FAM20A: variants seen among roughly 807,000 people sequenced by gnomAD.
FAM20A encodes pseudokinase FAM20A.
A neutral mutation model predicts 52.0 loss-of-function variants in FAM20A; 42 were observed. The ratio of observed to expected loss-of-function variants is 0.81; its 90% CI spans 0.63 to 1.04. FAM20A has a LOEUF of 1.04. FAM20A is among the 50% of genes least tolerant of loss of function. The pLI is 0.00. For missense variants in FAM20A, 742 were observed against 712.7 expected, an observed-to-expected ratio of 1.04 and a Z score of -0.47; for synonymous variants, 304 against 298.9, an observed-to-expected ratio of 1.02 and a Z score of -0.18.
intron 1 of FAM20A, among the ~76,000 whole-genome samples, chr17:68,575,709 A>ATTATATATTTTATATT (rs1350615121): frequency 4.0e-5 from 5 of 123,458 alleles, no homozygotes; most frequent in African/African-American, 1.6e-4. Flanking sequence ...TATATTATAT[A>ATTATATATTTTATATT]TTATATATTT....
chr17:68,590,821 C>G (rs994786360), intron 1 of FAM20A, among the ~76,000 whole-genome samples: 1 of 152,168 alleles, frequency 6.6e-6, no homozygotes, highest in African/African-American at 2.4e-5. Context: ...GAGCCACGTG[C>G]TTCTAATGAC....
chr17:68,567,879 C>T (rs1485308804), intron 1 of FAM20A, among the ~76,000 whole-genome samples: 1 of 151,928 alleles, frequency 6.6e-6, no homozygotes, highest in Non-Finnish European at 1.5e-5. Context: ...CTTGTTCTTG[C>T]ACTCGCTCCC....
chr17:68,535,347 A>G lies in FAM20A; in HGVS notation c.*2130T>C, dbSNP rs1479657605. The G allele has an allele frequency of 2.2e-6, 1 of 454,168 alleles. No homozygotes were observed. The highest frequency in any genetic ancestry group is 6.9e-5 in the East Asian group (1 of 14,396). The allele number at this position is 454,168 out of a possible 1,614,324, so 28.1% of individuals were successfully genotyped here. A position where few individuals can be genotyped will look rare whatever the true frequency, so the allele number is the denominator to read the frequency against. ...CTATTGCTTTCTGTTTGTAGAGTGC[A>G]GCAAAATGTGTATATAGGCCATTGG... On this transcript the variant is annotated 3_prime_UTR_variant, in exon 11 of 11. Transcript: ENST00000592554.
At chr17:68,548,119 G>C (rs1248239954) in intron 4 of FAM20A, among the ~76,000 whole-genome samples, 1 of 152,172 alleles carries the variant, frequency 6.6e-6, no homozygotes, top group Non-Finnish European at 1.5e-5. Flanking sequence ...TTTAGGCCAG[G>C]TGCAGTGGCT....
chr17:68,585,506 C>G (rs1421161041), intron 1 of FAM20A, among the ~76,000 whole-genome samples: 1 of 151,172 alleles, frequency 6.6e-6, no homozygotes, highest in Non-Finnish European at 1.5e-5. Flanking sequence ...ACTTTAAGTT[C>G]TAGGGTACAT....
At position 68,554,830 on chromosome 17, in the gene FAM20A, G is replaced by T. The variant is rs758202373; in HGVS notation, c.590-3C>A. ...GGCTTTCTCATCTTGACTGTAATCT[G>T]CAAAGGAGGAGAAGGGCAATGAGAA... is the stretch of plus-strand genomic sequence containing the variant. On this transcript the variant is annotated splice_polypyrimidine_tract_variant and splice_region_variant and intron_variant, in intron 2 of 10. Coordinates refer to ENST00000592554, the MANE Select transcript of FAM20A (RefSeq NM_017565.4). The T allele has an allele frequency of 3.1e-6, 5 of 1,614,074 alleles. No homozygotes were observed. Among genetic ancestry groups the T allele is most frequent in the Non-Finnish European group, 4.2e-6 (5 of 1,179,964 alleles).
At position 68,552,053 on chromosome 17, in the gene FAM20A, T is replaced by C. The variant is rs1036885311; in HGVS notation, c.641-102A>G. On this transcript the variant is annotated intron_variant, in intron 3 of 10. Coordinates refer to ENST00000592554, the MANE Select transcript of FAM20A (RefSeq NM_017565.4). ...CCCAGCTGACTTCGCTTTCCTCTTATGTAATGAGACCCTAAAGACTAGGAT... is the reference window on the plus strand; with the variant it reads ...CCCAGCTGACTTCGCTTTCCTCTTACGTAATGAGACCCTAAAGACTAGGAT... The C allele has an allele frequency of 8.6e-5, 64 of 746,350 alleles. No homozygotes were observed. In the East Asian group the frequency reaches 1.4e-3, roughly 17 times the overall value. The allele number at this position is 746,350 out of a possible 1,614,324, so 46.2% of individuals were successfully genotyped here. A position where few individuals can be genotyped will look rare whatever the true frequency, so the allele number is the denominator to read the frequency against.
At chr17:68,563,062 G>A (rs72849707) in intron 1 of FAM20A, among the ~76,000 whole-genome samples, 2,436 of 152,152 alleles carry the variant, frequency 0.016, 31 homozygotes, top group Non-Finnish European at 0.025. Flanking sequence ...CCTCCAGCTG[G>A]TTAGGACTAA....
At chr17:68,592,169 T>A (rs753270419) in intron 1 of FAM20A, among the ~76,000 whole-genome samples, 1 of 152,168 alleles carries the variant, frequency 6.6e-6, no homozygotes, top group African/African-American at 2.4e-5. Flanking sequence ...ATTATGGAAT[T>A]GAGGTTGGTC....
rs1330473985 is a variant in FAM20A at position 68,600,283 on chromosome 17, C to CCAGCGGG, written c.383_384insCCCGCTG (p.Arg128SerfsTer44). On this transcript the variant is annotated frameshift_variant, in exon 1 of 11. Coordinates refer to ENST00000592554, the MANE Select transcript of FAM20A (RefSeq NM_017565.4). LOFTEE classifies it high-confidence loss of function. This position sits in a 1 kb window ranked among gnomAD's most constrained non-coding sequence, Gnocchi z 6.2. The stretch of plus-strand genomic sequence containing the variant: ...CTCACCTGTTCCAGCGGGCCACCTT[C>CCAGCGGG]CTCCGGTAATACCGCAGCGCCTCCT... 1 of 1,572,634 alleles carries CCAGCGGG rather than the reference C, an allele frequency of 6.4e-7. No homozygotes were observed. The highest frequency in any genetic ancestry group is 1.8e-5 in the Admixed American group (1 of 55,088).
chr17:68,567,885 C>T (rs932968931), intron 1 of FAM20A, among the ~76,000 whole-genome samples: 4 of 151,932 alleles, frequency 2.6e-5, no homozygotes, highest in African/African-American at 9.7e-5. Context: ...CTTGCACTCG[C>T]TCCCTCCTGC....
In FAM20A at chr17:68,554,063, C is replaced by T. The variant is rs1038855351; in HGVS notation, c.640+714G>A. ...GCATATATACACATATACACATATA[C>T]ACACATATACACACATATATACATA... On this transcript the variant is annotated intron_variant, in intron 3 of 10. Coordinates refer to ENST00000592554, the MANE Select transcript of FAM20A (RefSeq NM_017565.4). Among the ~76,000 whole-genome samples the T allele has an allele frequency of 5.8e-4, 59 of 102,326 alleles. 1 individual carries two copies. The highest frequency in any genetic ancestry group is 2.2e-3 in the African/African-American group (51 of 22,796). The allele number at this position is 102,326 out of a possible 152,430, so 67.1% of individuals were successfully genotyped here.
In FAM20A at chr17:68,543,652, C is replaced by T; in HGVS notation, c.789G>A (p.Glu263=). ...ACCTGTCCAGATGGAAAGCTGCGAT[C>T]TCAGCATTGTGTCTCTGAAAGTCAA... ...YFIDFQRHNA[E]IAAFHLDRIL... is the part of the protein sequence containing the mutation. The change falls in exon 5 of 11, where the codon GAG becomes GAA. Residue 263 remains glutamate (E), a synonymous_variant. Transcript: ENST00000592554. 1 of 1,614,172 alleles carries T rather than the reference C, an allele frequency of 6.2e-7. No individual in the cohort carries two copies. Among genetic ancestry groups the T allele is most frequent in the East Asian group, 2.2e-5 (1 of 44,880 alleles).
intron 3 of FAM20A, among the ~76,000 whole-genome samples, chr17:68,553,949 CATAT>C (rs67634214): frequency 0.035 from 4,010 of 114,390 alleles, 166 homozygotes; most frequent in African/African-American, 0.042. Flanking sequence ...TATATACACA[CATAT>C]ATGCATATAT....
At chr17:68,558,743 C>T (rs1178632725) in intron 1 of FAM20A, among the ~76,000 whole-genome samples, 1 of 151,896 alleles carries the variant, frequency 6.6e-6, no homozygotes, top group East Asian at 1.9e-4. Flanking sequence ...TTCCTCCCTC[C>T]CTCCTTTCTC....
chr17:68,583,363 A>T (rs962864587), intron 1 of FAM20A, among the ~76,000 whole-genome samples: 2 of 151,822 alleles, frequency 1.3e-5, no homozygotes, highest in African/African-American at 4.8e-5. Context: ...CCTTCTGGGG[A>T]CTCTAGGAGA....
chr17:68,589,131 C>G (rs1464527094), intron 1 of FAM20A, among the ~76,000 whole-genome samples: 1 of 152,230 alleles, frequency 6.6e-6, no homozygotes, highest in African/African-American at 2.4e-5. Flanking sequence ...GGCTTCTACC[C>G]TCTTTTGCAA....
At chr17:68,577,627 T>A (rs543790281) in intron 1 of FAM20A, among the ~76,000 whole-genome samples, 1 of 152,298 alleles carries the variant, frequency 6.6e-6, no homozygotes. Flanking sequence ...GCTAGAGCCA[T>A]AGAATAATGA....
chr17:68,563,365 A>G (rs935620365), intron 1 of FAM20A, among the ~76,000 whole-genome samples: 5 of 144,456 alleles, frequency 3.5e-5, no homozygotes, highest in Admixed American at 1.4e-4. Flanking sequence ...CAGCCGAGGC[A>G]ACAAGAGTGA....
Sources: gnomAD v4.1 joint callset for allele counts (sites outside exome capture counted in the v4.1 genomes callset) on GRCh38, gnomAD v4.1.1 for gene constraint, Gnocchi (gnomAD v3.1) non-coding constraint, MANE v1.5 for transcripts, NCBI Gene and HGNC (gene_info 2026-07-23, HGNC 2026-07-21) for gene names.